Variants in JCAD observed in about 807,000 individuals in gnomAD.
The protein encoded by JCAD is junctional cadherin 5-associated protein.
A neutral mutation model predicts 98.0 loss-of-function variants in JCAD; 40 were observed. The observed-to-expected ratio is 0.41, with a 90% confidence interval of 0.32 to 0.53. The LOEUF (loss-of-function observed/expected upper bound fraction) is 0.53. JCAD is among the 20% of genes least tolerant of loss of function. The pLI, the probability that JCAD is intolerant of heterozygous loss-of-function variation, is 0.31. For synonymous variants in JCAD, 691 were observed against 682.3 expected (o/e 1.01, Z -0.20); for missense variants, 1,705 against 1,738.1 (o/e 0.98, Z 0.34).
chr10:30,097,147 C>T (rs1324928131), intron 1 of JCAD, among the ~76,000 whole-genome samples: 1 of 152,218 alleles, frequency 6.6e-6, no homozygotes, highest in Non-Finnish European at 1.5e-5. Flanking sequence ...ACCAAATCTG[C>T]ACTGTCTAAT....
chr10:30,096,499 A>C (rs944050275), intron 1 of JCAD, among the ~76,000 whole-genome samples: 1 of 152,208 alleles, frequency 6.6e-6, no homozygotes, highest in African/African-American at 2.4e-5. Flanking sequence ...TGCATTATTC[A>C]TCACACCTTG....
chr10:30,029,141 T>C lies in JCAD; in HGVS notation c.1007A>G (p.Glu336Gly). 6.2e-7 allele frequency: 1 copy of C among 1,614,142 alleles called. No homozygotes were observed. The highest frequency in any genetic ancestry group is 8.5e-7 in the Non-Finnish European group (1 of 1,180,024). The stretch of plus-strand genomic sequence containing the variant: ...GGGCGGAGGCACGTACACTGGAGGT[T>C]CCAATCCAGGGTCTGACAGGCAGAG... ...HELCLSDPGLEPPVYVPPPSY... is the reference protein window; with the variant it reads ...HELCLSDPGLGPPVYVPPPSY... The change falls in exon 3 of 4, where the codon GAA becomes GGA. Residue 336 changes from glutamate to glycine, a missense_variant. Coordinates refer to ENST00000375377, the MANE Select transcript of JCAD (RefSeq NM_020848.4).
Position 30,090,680 on chromosome 10 carries a change from C to T in JCAD, n.129-20859G>A, listed in dbSNP as rs561346673. On this transcript the variant is annotated intron_variant and non_coding_transcript_variant, in intron 1 of 2. Transcript: ENST00000465712. Reference sequence around the variant, plus strand: ...AGTCAAAAGTCCTATCAGACCATGACGCGCAGGACCCTAAAAACTGAAAAC... The same window carrying T: ...AGTCAAAAGTCCTATCAGACCATGATGCGCAGGACCCTAAAAACTGAAAAC... Among the ~76,000 whole-genome samples, 107 of 152,280 alleles carry T rather than the reference C, an allele frequency of 7.0e-4. No individual in the cohort carries two copies. The Middle Eastern group carries it at 0.014, about 19-fold the overall frequency.
At chr10:30,023,605 C>T (rs1836714713) in intron 3 of JCAD, among the ~76,000 whole-genome samples, 1 of 152,010 alleles carries the variant, frequency 6.6e-6, no homozygotes, top group Non-Finnish European at 1.5e-5. Flanking sequence ...TTGAAAATGC[C>T]CGAGGAAGCT....
chr10:30,100,420 C>T (rs1223379742), intron 1 of JCAD, among the ~76,000 whole-genome samples: 1 of 152,098 alleles, frequency 6.6e-6, no homozygotes, highest in South Asian at 2.1e-4. Context: ...CTCACTCTGT[C>T]GCCCAGGCTG....
intron 2 of JCAD, among the ~76,000 whole-genome samples, chr10:30,032,543 A>C (rs1460035211): frequency 2.0e-5 from 3 of 152,254 alleles, no homozygotes; most frequent in African/African-American, 7.2e-5. Context: ...GGCCGGGCTG[A>C]CTTGAAAAAT....
In JCAD at chr10:30,029,880, A is replaced by T. The variant is rs753401677; in HGVS notation, c.282-14T>A. The T allele has an allele frequency of 1.2e-6, 2 of 1,607,990 alleles. No individual in the cohort carries two copies. The highest frequency in any genetic ancestry group is 4.5e-5 in the East Asian group (2 of 44,746). On this transcript the variant is annotated splice_polypyrimidine_tract_variant and intron_variant, in intron 2 of 3. Coordinates refer to ENST00000375377, the MANE Select transcript of JCAD (RefSeq NM_020848.4). ...TGATTACAAAACCTACAAAACAAAG[A>T]GTCACAGACGTTAGGCACAGAAGAA... is the stretch of plus-strand genomic sequence containing the variant.
At chr10:30,063,152 G>GA (rs34177789), upstream of JCAD, among the ~76,000 whole-genome samples, 67,206 of 145,722 alleles carry the variant, frequency 0.46, 15,599 homozygotes, top group East Asian at 0.7. Context: ...TTAAACACAG[G>GA]AAAAAAAAAA....
At chr10:30,111,652 C>A (rs919505929) in intron 1 of JCAD, among the ~76,000 whole-genome samples, 18 of 151,928 alleles carry the variant, frequency 1.2e-4, no homozygotes, top group Non-Finnish European at 2.2e-4. Flanking sequence ...AAAATAAAGC[C>A]AGATAAAGGA....
intron 1 of JCAD, among the ~76,000 whole-genome samples, chr10:30,082,773 C>T (rs1838106102): frequency 7.0e-6 from 1 of 143,428 alleles, no homozygotes; most frequent in South Asian, 2.2e-4. Flanking sequence ...ATTGCTTGAA[C>T]CTGGGATGTG....
chr10:30,038,000 G>A (rs1837152273), intron 2 of JCAD, among the ~76,000 whole-genome samples: 2 of 149,512 alleles, frequency 1.3e-5, no homozygotes, highest in Non-Finnish European at 3.0e-5. Context: ...CCAGCCACAA[G>A]ACCATAATAT....
chr10:30,114,414 G>T (rs1034266582), intron 1 of JCAD, among the ~76,000 whole-genome samples: 1 of 152,184 alleles, frequency 6.6e-6, no homozygotes, highest in Non-Finnish European at 1.5e-5. Flanking sequence ...TTATCATCAA[G>T]TAGGTAGGAA....
intron 1 of JCAD, among the ~76,000 whole-genome samples, chr10:30,056,467 A>C (rs559623557): frequency 2.0e-5 from 3 of 152,226 alleles, no homozygotes; most frequent in African/African-American, 7.2e-5. Flanking sequence ...CAGTAGCAAC[A>C]ATCTGGTTTC....
At chr10:30,088,426 T>C (rs1337740763) in intron 1 of JCAD, among the ~76,000 whole-genome samples, 1 of 152,150 alleles carries the variant, frequency 6.6e-6, no homozygotes, top group Non-Finnish European at 1.5e-5. Context: ...GCAGGCCTCC[T>C]GATTCTTTTG....
At chr10:30,088,627 G>A (rs11007896) in intron 1 of JCAD, among the ~76,000 whole-genome samples, 10,941 of 152,106 alleles carry the variant, frequency 0.072, 519 homozygotes, top group East Asian at 0.22. Context: ...AGAAAACAAC[G>A]GACAGATAAT....
At position 30,070,037 on chromosome 10, in the gene JCAD, T is replaced by C. The variant is rs1837858045; in HGVS notation, n.129-216A>G. On this transcript the variant is annotated intron_variant and non_coding_transcript_variant, in intron 1 of 2. Coordinates refer to the JCAD transcript ENST00000465712. ...ATGGCATGCTATTTGTGTGTTTTGTTTAATCCCACAAAAATCAAAACTTCT... is the reference window on the plus strand; with the variant it reads ...ATGGCATGCTATTTGTGTGTTTTGTCTAATCCCACAAAAATCAAAACTTCT... 3.3e-5 allele frequency among the ~76,000 whole-genome samples: 5 copies of C among 152,112 alleles called. No homozygotes were observed. In the South Asian group the frequency reaches 1.0e-3, roughly 31 times the overall value.
chr10:30,081,493 G>A (rs536297347), intron 1 of JCAD, among the ~76,000 whole-genome samples: 32 of 152,234 alleles, frequency 2.1e-4, no homozygotes, highest in Middle Eastern at 6.8e-3. Context: ...GTGCAGTGGC[G>A]TGATCTATGC....
intron 1 of JCAD, among the ~76,000 whole-genome samples, chr10:30,084,529 A>G (rs1194020955): frequency 6.6e-6 from 1 of 152,224 alleles, no homozygotes; most frequent in African/African-American, 2.4e-5. Flanking sequence ...TCAATAGAAC[A>G]AAAAGACTGA....
At chr10:30,089,051 C>G (rs1310658932) in intron 1 of JCAD, among the ~76,000 whole-genome samples, 1 of 152,090 alleles carries the variant, frequency 6.6e-6, no homozygotes, top group Admixed American at 6.5e-5. Flanking sequence ...TTTTAGAAAC[C>G]ATTGATGACA....
Sources: gnomAD v4.1 joint callset for allele counts (sites outside exome capture counted in the v4.1 genomes callset) on GRCh38, gnomAD v4.1.1 for gene constraint, MANE v1.5 for transcripts, NCBI Gene and HGNC (gene_info 2026-07-23, HGNC 2026-07-21) for gene names.